Variants in GPN2 observed in about 807,000 individuals in gnomAD.
GPN2 encodes the protein GPN-loop GTPase 2, also known as ATP-binding domain 1 family member B.
Under a neutral mutation model 30.1 loss-of-function variants are expected in GPN2, and 27 were observed. That is an observed-to-expected ratio of 0.90 (90% confidence interval 0.66 to 1.24). The LOEUF is 1.24. GPN2 is among the 50% of genes most tolerant of loss of function. The probability of loss-of-function intolerance (pLI) is 0.00; values close to 1 mark genes in which losing one functional copy is unlikely to be tolerated. For missense variants in GPN2, 406 were observed against 405.4 expected (o/e 1.00, Z -0.01); for synonymous variants, 212 against 174.4 (o/e 1.22, Z -1.70).
rs892239765 is a variant in GPN2, at chr1:26,876,676, C to T, written c.*3001G>A. 1 of 152,156 alleles carries T rather than the reference C, an allele frequency of 6.6e-6. No homozygotes were observed. The highest frequency in any genetic ancestry group is 2.1e-4 in the South Asian group (1 of 4,822). The allele number at this position is 152,156 out of a possible 1,614,324, so 9.4% of individuals were successfully genotyped here. On this transcript the variant is annotated 3_prime_UTR_variant, in exon 5 of 5. Transcript: ENST00000374135. ...CAGGCCTCACTTGGATCTCGGACATCTTCCTTTCTGCACTGTGCAGATCCC... is the reference window on the plus strand; with the variant it reads ...CAGGCCTCACTTGGATCTCGGACATTTTCCTTTCTGCACTGTGCAGATCCC...
At chr1:26,888,923 T>C in intron 2 of GPN2, 46 bp downstream of exon 2, 1 of 1,602,352 alleles carries the variant, frequency 6.2e-7, no homozygotes, top group Middle Eastern at 1.7e-4. Flanking sequence ...TGCTTCATTC[T>C]AGCCCAGCTG....
intron 1 of GPN2, 108 bp downstream of exon 1, chr1:26,889,578 C>A (rs1056493365): frequency 5.3e-6 from 6 of 1,129,608 alleles, no homozygotes; most frequent in Non-Finnish European, 7.7e-6. Flanking sequence ...TGTTTTACTC[C>A]AAAGCGACCC....
Position 26,879,402 on chromosome 1 carries a change from G to GTA in GPN2, c.*273_*274dup. 1 of 453,538 alleles carries GTA rather than the reference G, an allele frequency of 2.2e-6. No homozygotes were observed. The highest frequency in any genetic ancestry group is 3.5e-5 in the East Asian group (1 of 28,802). 28.1% of individuals were successfully genotyped at this position (453,538 alleles called of 1,614,324 possible). ...AAAGTAGAAAATAAACTCTTGTATT[G>GTA]TAGCACATTTCATCACAGCCTGACT... On this transcript the variant is annotated 3_prime_UTR_variant, in exon 5 of 5. Transcript: ENST00000374135.
In GPN2 at chr1:26,885,849, G is replaced by A. The variant is rs560307632; in HGVS notation, c.729+124C>T. 137 of 735,264 alleles carry A rather than the reference G, an allele frequency of 1.9e-4. 1 individual carries two copies. The highest frequency in any genetic ancestry group is 2.9e-4 in the Non-Finnish European group (123 of 420,486). The allele number at this position is 735,264 out of a possible 1,614,324, so 45.5% of individuals were successfully genotyped here. On this transcript the variant is annotated intron_variant, in intron 3 of 4. Transcript: ENST00000374135. Reference sequence around the variant, plus strand: ...CCACCTCGGCCTCCCAAAGTGCTAGGATTAGAGGCTTGAGCAACCGCGCCC... The same window carrying A: ...CCACCTCGGCCTCCCAAAGTGCTAGAATTAGAGGCTTGAGCAACCGCGCCC...
rs1286814848 is a variant in GPN2 at position 26,889,897 on chromosome 1, C to T, written c.200G>A (p.Gly67Asp). 6.2e-7 allele frequency: 1 copy of T among 1,610,952 alleles called. No individual in the cohort carries two copies. Among genetic ancestry groups the T allele is most frequent in the Non-Finnish European group, 8.5e-7 (1 of 1,178,554 alleles). ...CAGGCGCAGCGCGTCCATCACGTCG[C>T]CCAGCCCCACCAGCTCGCCCACGTC... ...AVDVGELVGL[G>D]DVMDALRLGP... Residue 67 changes from glycine (G) to aspartate (D), a missense_variant, in exon 1 of 5, where the codon GGC (glycine) becomes GAC (aspartate). Gly to Asp is a moderately conservative substitution (Grantham distance 94, BLOSUM62 -1). Transcript: ENST00000374135.
rs148895296 is a variant in GPN2 at position 26,889,910 on chromosome 1, G to A, written c.187C>T (p.Leu63=). The A allele has an allele frequency of 1.9e-6, 3 of 1,610,148 alleles. No individual in the cohort carries two copies. The highest frequency in any genetic ancestry group is 1.1e-5 in the South Asian group (1 of 90,942). Residue 63 remains leucine, a synonymous_variant, in exon 1 of 5, where the codon CTG becomes TTG. Coordinates refer to ENST00000374135, the MANE Select transcript of GPN2 (RefSeq NM_018066.4). ...PYECAVDVGE[L]VGLGDVMDAL... is the part of the protein sequence containing the mutation. ...TCCATCACGTCGCCCAGCCCCACCAGCTCGCCCACGTCCACGGCACACTCG... is the reference window on the plus strand; with the variant it reads ...TCCATCACGTCGCCCAGCCCCACCAACTCGCCCACGTCCACGGCACACTCG...
Position 26,890,066 on chromosome 1 carries a change from C to A in GPN2, c.31G>T (p.Gly11Trp). 2 of 1,568,544 alleles carry A rather than the reference C, an allele frequency of 1.3e-6. No individual in the cohort carries two copies. Among genetic ancestry groups the A allele is most frequent in the East Asian group, 2.3e-5 (1 of 44,170 alleles). MAGAAPTTAF[G>W]QAVIGPPGSG... ...CCCGGCGGGCCGATCACCGCCTGCC[C>A]GAAGGCCGTGGTCGGAGCGGCCCCT... is the stretch of plus-strand genomic sequence containing the variant. Residue 11 changes from glycine to tryptophan, a missense_variant, in exon 1 of 5, where the codon GGG (glycine) becomes TGG (tryptophan). Coordinates refer to ENST00000374135, the MANE Select transcript of GPN2 (RefSeq NM_018066.4).
Position 26,879,705 on chromosome 1 carries a change from G to T in GPN2, c.905C>A (p.Ser302Ter). The change falls in exon 5 of 5, where the codon TCA becomes TAA. Residue 302 changes from serine to a stop codon, truncating the protein, a stop_gained. Coordinates refer to ENST00000374135, the MANE Select transcript of GPN2 (RefSeq NM_018066.4). LOFTEE classifies it high-confidence loss of function. ...CAGCTGCATGGCTTCCTGCTCCACT[G>T]ACTGGTTCGAGGGTGCCAGGTACTT... ...QEKYLAPSNQ[S>*]VEQEAMQL 2 of 1,613,890 alleles carry T rather than the reference G, an allele frequency of 1.2e-6. No individual in the cohort carries two copies. Among genetic ancestry groups the T allele is most frequent in the African/African-American group, 1.3e-5 (1 of 75,034 alleles).
In GPN2 at chr1:26,877,528, A is replaced by G. The variant is rs1047603949; in HGVS notation, c.*2149T>C. The G allele has an allele frequency of 9.9e-5, 15 of 152,208 alleles. No individual in the cohort carries two copies. Among genetic ancestry groups the G allele is most frequent in the Non-Finnish European group, 1.6e-4 (11 of 68,046 alleles). 9.4% of individuals were successfully genotyped at this position (152,208 alleles called of 1,614,324 possible). ...TGTGGGACAAGGGCTGTGACTTCTCACCAATAAATATACCAAAGGAGGGAT... is the reference window on the plus strand; with the variant it reads ...TGTGGGACAAGGGCTGTGACTTCTCGCCAATAAATATACCAAAGGAGGGAT... On this transcript the variant is annotated 3_prime_UTR_variant, in exon 5 of 5. Transcript: ENST00000374135.
chr1:26,886,615 G>A (rs185501836), intron 2 of GPN2: 7 of 366,908 alleles, frequency 1.9e-5, no homozygotes, highest in South Asian at 9.9e-5. Context: ...TCAGGAGATC[G>A]AGACCATCCT....
At position 26,879,713 on chromosome 1, in the gene GPN2, C is replaced by T. The variant is rs765341636; in HGVS notation, c.897G>A (p.Ser299=). The change falls in exon 5 of 5, where the codon TCG becomes TCA. Residue 299 remains serine (S), a synonymous_variant. Transcript: ENST00000374135. Reference sequence around the variant, plus strand: ...TGGCTTCCTGCTCCACTGACTGGTTCGAGGGTGCCAGGTACTTCTCCTGGA... The same window carrying T: ...TGGCTTCCTGCTCCACTGACTGGTTTGAGGGTGCCAGGTACTTCTCCTGGA... The part of the protein sequence containing the change: ...LGIQEKYLAP[S]NQSVEQEAMQ... 2.5e-6 allele frequency: 4 copies of T among 1,613,856 alleles called. No individual in the cohort carries two copies. The highest frequency in any genetic ancestry group is 2.5e-6 in the Non-Finnish European group (3 of 1,179,932).
chr1:26,884,409 A>G lies in GPN2; in HGVS notation c.730-119T>C, dbSNP rs1055975850. 11 of 997,038 alleles carry G rather than the reference A, an allele frequency of 1.1e-5. No individual in the cohort carries two copies. In the African/African-American group the frequency reaches 1.6e-4, roughly 15 times the overall value. The allele number at this position is 997,038 out of a possible 1,614,324, so 61.8% of individuals were successfully genotyped here. ...TGTACCTGTAGCTTTCTTGGCCTGG[A>G]GTAGTTCTACATGTCCCCAAAGGCT... On this transcript the variant is annotated intron_variant, in intron 3 of 4. Coordinates refer to ENST00000374135, the MANE Select transcript of GPN2 (RefSeq NM_018066.4).
At chr1:26,883,267 G>T (rs952325257) in intron 4 of GPN2, among the ~76,000 whole-genome samples, 6 of 152,152 alleles carry the variant, frequency 3.9e-5, no homozygotes, top group Non-Finnish European at 7.3e-5. Context: ...CGGCAGCCCT[G>T]CCTGTACCCC....
intron 2 of GPN2, among the ~76,000 whole-genome samples, chr1:26,888,417 C>T (rs1007444339): frequency 6.6e-6 from 1 of 152,190 alleles, no homozygotes; most frequent in African/African-American, 2.4e-5. Flanking sequence ...GCCTCCAGAA[C>T]TGTGAGAAAT....
chr1:26,890,058 C>T lies in GPN2; in HGVS notation c.39G>A (p.Ala13=), dbSNP rs1339271465. ...TCCCTGAGCCCGGCGGGCCGATCAC[C>T]GCCTGCCCGAAGGCCGTGGTCGGAG... ...GAAPTTAFGQ[A]VIGPPGSGKT... is the part of the protein sequence containing the mutation. Residue 13 remains alanine, a synonymous_variant, in exon 1 of 5, where the codon GCG becomes GCA. Transcript: ENST00000374135. 3 of 1,576,228 alleles carry T rather than the reference C, an allele frequency of 1.9e-6. No individual in the cohort carries two copies. The highest frequency in any genetic ancestry group is 4.5e-5 in the East Asian group (2 of 44,334).
chr1:26,881,688 C>G (rs919856429), intron 4 of GPN2, among the ~76,000 whole-genome samples: 3 of 152,118 alleles, frequency 2.0e-5, no homozygotes, highest in Non-Finnish European at 2.9e-5. Context: ...GAGCTGAGAT[C>G]ACGCCACTGC....
rs1453273589 is a variant in GPN2, at chr1:26,878,038, A to C, written c.*1639T>G. 6.6e-6 allele frequency: 1 copy of C among 152,176 alleles called. No homozygotes were observed. The highest frequency in any genetic ancestry group is 2.4e-5 in the African/African-American group (1 of 41,444). The allele number at this position is 152,176 out of a possible 1,614,324, so 9.4% of individuals were successfully genotyped here. On this transcript the variant is annotated 3_prime_UTR_variant, in exon 5 of 5. Transcript: ENST00000374135. ...CAGAGAGAGACTTTGTCTCCAAAAA[A>C]AGAAAGTCCAAATACATGCAAATAA... is the stretch of plus-strand genomic sequence containing the variant.
At chr1:26,885,857 G>A (rs1162214988) in intron 3 of GPN2, 116 bp downstream of exon 3, 14 of 789,334 alleles carry the variant, frequency 1.8e-5, no homozygotes, top group Non-Finnish European at 3.0e-5. Flanking sequence ...AGGATTAGAG[G>A]CTTGAGCAAC....
chr1:26,883,445 T>C (rs998196821), intron 4 of GPN2, among the ~76,000 whole-genome samples: 4 of 152,090 alleles, frequency 2.6e-5, no homozygotes, highest in Admixed American at 6.6e-5. Flanking sequence ...GGGACCACCT[T>C]TGCACATGAG....
Sources: allele counts gnomAD v4.1 joint callset (sites outside exome capture counted in the v4.1 genomes callset), GRCh38; gene constraint gnomAD v4.1.1; transcripts MANE v1.5; gene names NCBI Gene and HGNC (gene_info 2026-07-23, HGNC 2026-07-21).